Variants in LIPA observed in about 807,000 individuals in gnomAD.
LIPA encodes the protein lipase A, lysosomal acid type, also known as lysosomal acid lipase/cholesteryl ester hydrolase.
LIPA carries 26 observed loss-of-function variants against 40.6 expected under a neutral mutation model. The observed-to-expected ratio is 0.64, with a 90% CI of 0.47 to 0.89. The LOEUF is 0.89. LIPA is among the 40% of genes least tolerant of loss of function. LIPA has a pLI of 0.00. For synonymous variants in LIPA, 188 were observed against 168.4 expected (o/e 1.12, Z -0.90); for missense variants, 455 against 479.6 (o/e 0.95, Z 0.48).
intron 2 of LIPA, among the ~76,000 whole-genome samples, chr10:89,377,070 T>C (rs1457519671): frequency 6.6e-6 from 1 of 152,230 alleles, no homozygotes; most frequent in Admixed American, 6.5e-5. Flanking sequence ...ACGTACAGGA[T>C]GACATTGTAA....
chr10:89,289,513 C>G (rs1427283588), intron 1 of LIPA, among the ~76,000 whole-genome samples: 1 of 152,198 alleles, frequency 6.6e-6, no homozygotes, highest in South Asian at 2.1e-4. Context: ...GACACTTTCA[C>G]TGGATGGGTA....
rs1843536299 is a variant in LIPA at position 89,315,398 on chromosome 10, T to C, written c.-2+27213A>G. ...CTGAACTCGAAGTATCTCATGAGAC[T>C]CTGTTGTTGGAAACACCATATGTCA... On this transcript the variant is annotated intron_variant, in intron 1 of 5. Transcript: ENST00000282673. Among the ~76,000 whole-genome samples the C allele has an allele frequency of 3.9e-5, 6 of 152,222 alleles. No homozygotes were observed. In the South Asian group the frequency reaches 1.2e-3, roughly 31 times the overall value.
intron 1 of LIPA, among the ~76,000 whole-genome samples, chr10:89,323,411 A>G (rs1843581890): frequency 6.6e-6 from 1 of 152,104 alleles, no homozygotes; most frequent in South Asian, 2.1e-4. Flanking sequence ...TAGCACTCCT[A>G]TTCAACAGAG....
At chr10:89,394,125 G>A (rs1042339812) in intron 2 of LIPA, among the ~76,000 whole-genome samples, 10 of 151,938 alleles carry the variant, frequency 6.6e-5, no homozygotes, top group Non-Finnish European at 8.8e-5. Context: ...AAACCTAGAC[G>A]GTATAGCCTA....
rs758500611 is a variant in LIPA, at chr10:89,214,997, T to C, written c.1031A>G (p.His344Arg). Residue 344 changes from histidine (H) to arginine (R), a missense_variant, in exon 10 of 10, where the codon CAC becomes CGC. Physicochemically the swap from His to Arg is conservative, Grantham distance 29 (BLOSUM62 0). Coordinates refer to ENST00000336233, the MANE Select transcript of LIPA (RefSeq NM_000235.4). Reference protein sequence around the residue: ...LVPTAVWSGGHDWLADVYDVN... With the variant: ...LVPTAVWSGGRDWLADVYDVN... Reference sequence around the variant, plus strand: ...GTCGTAGACATCTGCAAGCCAGTCGTGACCCCCGCTCCAGACTGCAGTCGG... The same window carrying C: ...GTCGTAGACATCTGCAAGCCAGTCGCGACCCCCGCTCCAGACTGCAGTCGG... 9 of 1,614,080 alleles carry C rather than the reference T, an allele frequency of 5.6e-6. No individual in the cohort carries two copies. The highest frequency in any genetic ancestry group is 5.3e-5 in the African/African-American group (4 of 74,938).
At chr10:89,234,641 G>T (rs1361593066) in intron 3 of LIPA, among the ~76,000 whole-genome samples, 1 of 152,200 alleles carries the variant, frequency 6.6e-6, no homozygotes, top group Non-Finnish European at 1.5e-5. Context: ...CCACCAGGGG[G>T]AAGAAAGGAA....
chr10:89,335,980 T>A (rs1332202970), intron 1 of LIPA, among the ~76,000 whole-genome samples: 1 of 152,108 alleles, frequency 6.6e-6, no homozygotes. Flanking sequence ...TAAAGCCAAA[T>A]TGAAAACCCC....
chr10:89,355,702 G>A (rs562947262), intron 2 of LIPA, among the ~76,000 whole-genome samples: 10 of 152,212 alleles, frequency 6.6e-5, no homozygotes, highest in Non-Finnish European at 1.5e-4. Context: ...ATGCGGTAAA[G>A]AAGCCAGCCA....
intron 8 of LIPA, among the ~76,000 whole-genome samples, chr10:89,216,384 CAGAT>C (rs1356074764): frequency 1.3e-5 from 2 of 148,822 alleles, no homozygotes; most frequent in African/African-American, 5.0e-5. Flanking sequence ...TAAAGGTAGA[CAGAT>C]AGGTAGCTAC....
chr10:89,295,882 A>T (rs1308996238), intron 1 of LIPA, among the ~76,000 whole-genome samples: 1 of 152,190 alleles, frequency 6.6e-6, no homozygotes, highest in Non-Finnish European at 1.5e-5. Flanking sequence ...GCATAGTCTC[A>T]CACTAACCCA....
upstream of LIPA, among the ~76,000 whole-genome samples, chr10:89,343,414 G>A (rs963201102): frequency 6.6e-6 from 1 of 152,174 alleles, no homozygotes; most frequent in Non-Finnish European, 1.5e-5. Context: ...AGAAGGGAGA[G>A]AGTGACCTTC....
intron 2 of LIPA, chr10:89,384,381 C>T (rs777311029): frequency 1.2e-6 from 2 of 1,614,106 alleles, no homozygotes; most frequent in East Asian, 4.5e-5. Context: ...TAGGCCACCA[C>T]AGAAAGGCTG....
rs1589611851 is a variant in LIPA, at chr10:89,339,019, C to T, written c.-2+3592G>A. ...TCAGATTTATGTAGATAAGGTGAAA[C>T]AAACCTGCAAGAAATTTTCAAATCC... On this transcript the variant is annotated intron_variant, in intron 1 of 5. Coordinates refer to the LIPA transcript ENST00000282673. 6.8e-6 allele frequency: 11 copies of T among 1,614,114 alleles called. No individual in the cohort carries two copies. In the East Asian group the frequency reaches 2.5e-4, roughly 36 times the overall value.
At position 89,214,874 on chromosome 10, in the gene LIPA, C is replaced by T. The variant is rs1356622527; in HGVS notation, c.1154G>A (p.Trp385Ter). 1 of 1,613,106 alleles carries T rather than the reference C, an allele frequency of 6.2e-7. No homozygotes were observed. Among genetic ancestry groups the T allele is most frequent in the Admixed American group, 1.7e-5 (1 of 60,014 alleles). Residue 385 changes from tryptophan (W) to a stop codon, truncating the protein, a stop_gained, in exon 10 of 10, where the codon TGG becomes TAG. Coordinates refer to ENST00000336233, the MANE Select transcript of LIPA (RefSeq NM_000235.4). LOFTEE classifies it high-confidence loss of function. ...LDFIWGLDAP[W>*]RLYNKIINLM... ...ATTAATAATTTTATTATAAAGCCTC[C>T]AAGGGGCATCCAGGCCCCAAATGAA... is the stretch of plus-strand genomic sequence containing the variant.
At chr10:89,304,600 GA>G (rs927853494) in intron 1 of LIPA, among the ~76,000 whole-genome samples, 5 of 150,702 alleles carry the variant, frequency 3.3e-5, no homozygotes, top group South Asian at 2.1e-4. Context: ...TAGATACCAC[GA>G]AAAAAAAATT....
chr10:89,275,580 C>T (rs1213519424), intron 1 of LIPA, among the ~76,000 whole-genome samples: 1 of 152,184 alleles, frequency 6.6e-6, no homozygotes, highest in Non-Finnish European at 1.5e-5. Flanking sequence ...GGCCAGCTCC[C>T]ACAATTGCAT....
intron 2 of LIPA, among the ~76,000 whole-genome samples, chr10:89,399,145 T>G (rs1844386327): frequency 6.6e-6 from 1 of 152,228 alleles, no homozygotes; most frequent in South Asian, 2.1e-4. Context: ...CATCTTTGCA[T>G]ATGTTTATTG....
chr10:89,413,104 G>A (rs189233561), intron 1 of LIPA, among the ~76,000 whole-genome samples: 40 of 152,288 alleles, frequency 2.6e-4, no homozygotes, highest in Admixed American at 2.6e-4. Context: ...AGAACATGCA[G>A]TGTTTGGTTT....
intron 2 of LIPA, among the ~76,000 whole-genome samples, chr10:89,410,578 C>G (rs887764441): frequency 6.6e-6 from 1 of 152,192 alleles, no homozygotes; most frequent in Non-Finnish European, 1.5e-5. Context: ...GGGACCAGCA[C>G]CCAGTTAGGA....
Sources: gnomAD v4.1 joint callset for allele counts (sites outside exome capture counted in the v4.1 genomes callset) on GRCh38, gnomAD v4.1.1 for gene constraint, MANE v1.5 for transcripts, NCBI Gene and HGNC (gene_info 2026-07-23, HGNC 2026-07-21) for gene names.